MORC3: variants seen among roughly 807,000 people sequenced by gnomAD.
The protein encoded by MORC3 is MORC family CW-type zinc finger protein 3.
Under a neutral mutation model 109.1 loss-of-function variants are expected in MORC3, and 31 were observed. That is an observed-to-expected ratio of 0.28 (90% confidence interval 0.21 to 0.38). The LOEUF (loss-of-function observed/expected upper bound fraction) is 0.38, where lower values mean the gene tolerates loss of function less well. MORC3 is among the 10% of genes least tolerant of loss of function. MORC3 has a pLI of 1.00. For missense variants in MORC3, 867 were observed against 1,135.8 expected (o/e 0.76, Z 3.40); for synonymous variants, 395 against 380.7 (o/e 1.04, Z -0.44).
At chr21:36,336,818 C>T in intron 2 of MORC3, 56 bp from the exon 3 acceptor site, 2 of 1,513,830 alleles carry the variant, frequency 1.3e-6, no homozygotes, top group Non-Finnish European at 8.9e-7. Context: ...TTGTTCTGAA[C>T]TAATTGCTCT....
intron 4 of MORC3, 74 bp from the exon 5 acceptor site, chr21:36,338,694 ATTTAAG>A: frequency 2.3e-6 from 3 of 1,298,214 alleles, no homozygotes; most frequent in Non-Finnish European, 3.2e-6. Flanking sequence ...TTTTTCTGTT[ATTTAAG>A]TTTATAGAGT....
chr21:36,332,519 A>G (rs1340849350), intron 1 of MORC3, among the ~76,000 whole-genome samples: 1 of 152,246 alleles, frequency 6.6e-6, no homozygotes, highest in Non-Finnish European at 1.5e-5. Flanking sequence ...ATTTATGGAC[A>G]AAACAAAAGT....
chr21:36,338,524 C>CA (rs1320729579), intron 4 of MORC3, among the ~76,000 whole-genome samples: 1 of 151,274 alleles, frequency 6.6e-6, no homozygotes, highest in East Asian at 1.9e-4. Flanking sequence ...CCTATCTCTA[C>CA]AAAAAAAATT....
intron 1 of MORC3, among the ~76,000 whole-genome samples, chr21:36,324,138 G>A (rs1015186260): frequency 1.3e-5 from 2 of 152,122 alleles, no homozygotes; most frequent in Non-Finnish European, 2.9e-5. Flanking sequence ...GCCTCCCAAA[G>A]TGCTGGGATG....
At chr21:36,365,254 G>C (rs1476941383) in intron 14 of MORC3, among the ~76,000 whole-genome samples, 1 of 152,090 alleles carries the variant, frequency 6.6e-6, no homozygotes, top group Non-Finnish European at 1.5e-5. Context: ...TTTGTGATGA[G>C]GTGGTACTTA....
chr21:36,372,639 A>G, intron 16 of MORC3, 108 bp downstream of exon 16: 16 of 1,159,190 alleles, frequency 1.4e-5, no homozygotes, highest in Non-Finnish European at 1.9e-5. Flanking sequence ...AAAAGAAGTT[A>G]TTGATGGTCT....
intron 1 of MORC3, among the ~76,000 whole-genome samples, chr21:36,331,320 C>A (rs1380993273): frequency 6.6e-6 from 1 of 152,070 alleles, no homozygotes; most frequent in Non-Finnish European, 1.5e-5. Flanking sequence ...TGTTTTTGGC[C>A]AGGCACGGTG....
At chr21:36,356,548 A>C (rs543789957) in intron 9 of MORC3, 72 bp from the exon 10 acceptor site, 1 of 927,554 alleles carries the variant, frequency 1.1e-6, no homozygotes, top group East Asian at 2.6e-5. Flanking sequence ...GTGTCTATGT[A>C]CTCATTACTA....
In MORC3 at chr21:36,372,526, A is replaced by C. The variant is rs2085882204; in HGVS notation, c.2661A>C (p.Gly887=). 6.3e-7 allele frequency: 1 copy of C among 1,576,496 alleles called. No homozygotes were observed. ...NIEESVNHMD[G]ESLKLRSLRV... is the part of the protein sequence containing the mutation. ...AGGAGTCTGTAAATCATATGGATGG[A>C]GAAAGGTAATATTAAATGAGGCGTT... The change falls in exon 16 of 17, where the codon GGA becomes GGC. Residue 887 remains glycine, a synonymous_variant. Transcript: ENST00000400485.
intron 2 of MORC3, 27 bp from the exon 3 acceptor site, chr21:36,336,847 G>A (rs1334831292): frequency 1.3e-6 from 2 of 1,579,830 alleles, no homozygotes; most frequent in African/African-American, 2.7e-5. Flanking sequence ...TGTAAAATCA[G>A]AATTTCTTCA....
chr21:36,376,451 A>G lies in MORC3; in HGVS notation c.*1155A>G, dbSNP rs1245252489. The G allele has an allele frequency of 6.6e-6, 1 of 152,308 alleles. No individual in the cohort carries two copies. The highest frequency in any genetic ancestry group is 6.5e-5 in the Admixed American group (1 of 15,272). 9.4% of individuals were successfully genotyped at this position (152,308 alleles called of 1,614,324 possible). ...TGTATGCTTAATACGTGTCGGTCAT[A>G]TACAGTATTGAATTTTTACTGTATA... is the stretch of plus-strand genomic sequence containing the variant. On this transcript the variant is annotated 3_prime_UTR_variant, in exon 17 of 17. Transcript: ENST00000400485.
Position 36,344,918 on chromosome 21 carries a change from A to G in MORC3, c.892A>G (p.Thr298Ala), listed in dbSNP as rs957467137. The change falls in exon 8 of 17, where the codon ACA (threonine) becomes GCA (alanine). Residue 298 changes from threonine (T) to alanine (A), a missense_variant. Thr to Ala is a moderately conservative substitution (Grantham distance 58, BLOSUM62 0). Around this residue, in one of 7 missense-constraint regions of MORC3, gnomAD observed 120 missense variants for 259.7 expected, o/e 0.46. Transcript: ENST00000400485. ...TTTACCTTAATATTTTAAGTCTAAA[A>G]CAGTGAGAATTACCTTTGGATTCAA... ...DVYRPKFLSK[T>A]VRITFGFNCR... is the part of the protein sequence containing the mutation. The G allele has an allele frequency of 6.8e-6, 11 of 1,611,514 alleles. No individual in the cohort carries two copies. Among genetic ancestry groups the G allele is most frequent in the Non-Finnish European group, 8.5e-6 (10 of 1,179,358 alleles).
At chr21:36,348,685 A>C (rs760753960) in intron 8 of MORC3, among the ~76,000 whole-genome samples, 1 of 152,210 alleles carries the variant, frequency 6.6e-6, no homozygotes, top group Non-Finnish European at 1.5e-5. Context: ...TTGGGATTAC[A>C]GGCGTGAGCC....
chr21:36,332,259 A>T (rs1476518324), intron 1 of MORC3, among the ~76,000 whole-genome samples: 7 of 151,670 alleles, frequency 4.6e-5, no homozygotes, highest in Admixed American at 1.3e-4. Flanking sequence ...ACATGGCGAA[A>T]CCCCTTATCT....
chr21:36,353,080 C>T (rs563331730), intron 9 of MORC3, among the ~76,000 whole-genome samples: 6 of 151,916 alleles, frequency 3.9e-5, no homozygotes, highest in East Asian at 3.9e-4. Flanking sequence ...AATCATAGGC[C>T]GGGCATGGTG....
In MORC3 at chr21:36,360,238, T is replaced by C. The variant is rs370741220; in HGVS notation, c.1386T>C (p.Tyr462=). The C allele has an allele frequency of 7.3e-5, 118 of 1,613,970 alleles. No homozygotes were observed. In the African/African-American group the frequency reaches 1.2e-3, roughly 17 times the overall value. ...PEDEDLVHPT[Y]EKTYKKTNKE... ...ATGAGGATTTGGTACATCCCACTTATGAAAAAACCTACAAAAAGACGTGAG... is the reference window on the plus strand; with the variant it reads ...ATGAGGATTTGGTACATCCCACTTACGAAAAAACCTACAAAAAGACGTGAG... Residue 462 remains tyrosine (Y), a synonymous_variant, in exon 12 of 17, where the codon TAT becomes TAC. Transcript: ENST00000400485.
chr21:36,320,630 G>A (rs573352190), intron 1 of MORC3: 265 of 273,010 alleles, frequency 9.7e-4, no homozygotes, highest in African/African-American at 5.6e-3. Context: ...TGCTCTCGGG[G>A]CCGCGGGGCC....
intron 13 of MORC3, among the ~76,000 whole-genome samples, chr21:36,363,062 G>C (rs1662863892): frequency 6.6e-6 from 1 of 152,052 alleles, no homozygotes; most frequent in African/African-American, 2.4e-5. Context: ...GTGTTAAAGA[G>C]CTTTGGTTGA....
Position 36,375,560 on chromosome 21 carries a change from C to T in MORC3, c.*264C>T, listed in dbSNP as rs190820022. ...GTAAATATTTGTAATTAAGCCTGCA[C>T]ATATTTTTTTATTGCCCTAGAGTAC... On this transcript the variant is annotated 3_prime_UTR_variant, in exon 17 of 17. Coordinates refer to ENST00000400485, the MANE Select transcript of MORC3 (RefSeq NM_015358.3). 2.4e-5 allele frequency: 7 copies of T among 286,606 alleles called. No individual in the cohort carries two copies. In the East Asian group the frequency reaches 4.2e-4, roughly 17 times the overall value. 17.8% of individuals were successfully genotyped at this position (286,606 alleles called of 1,614,324 possible). A position where few individuals can be genotyped will look rare whatever the true frequency, so the allele number is the denominator to read the frequency against.
Sources: allele counts gnomAD v4.1 joint callset (sites outside exome capture counted in the v4.1 genomes callset), GRCh38; gene constraint gnomAD v4.1.1; regional missense constraint gnomAD v4.1.1; transcripts MANE v1.5; gene names NCBI Gene and HGNC (gene_info 2026-07-23, HGNC 2026-07-21).